TMEM272: variants seen among roughly 807,000 people sequenced by gnomAD.
The protein encoded by TMEM272 is long intergenic non-protein coding RNA 282.
Under a neutral mutation model 3.7 loss-of-function variants are expected in TMEM272, and 8 were observed. The ratio of observed to expected loss-of-function variants is 2.17; its 90% CI spans 1.27 to 3.91. The LOEUF is 3.91. Among genes scored for constraint, TMEM272 ranks in the 30% most tolerant of loss-of-function variants. The pLI is 0.00. For missense variants in TMEM272, 166 were observed against 91.5 expected, an observed-to-expected ratio of 1.81 and a Z score of -3.32; for synonymous variants, 63 against 39.8, an observed-to-expected ratio of 1.58 and a Z score of -2.20.
At chr13:51,828,335 C>G (rs1956144953) in intron 2 of TMEM272, among the ~76,000 whole-genome samples, 2 of 152,198 alleles carry the variant, frequency 1.3e-5, no homozygotes, top group African/African-American at 4.8e-5. Context: ...AGCTCTAAGG[C>G]TGCAAGTGCC....
the TMEM272 span, among the ~76,000 whole-genome samples, chr13:51,896,683 A>C: frequency 6.6e-6 from 1 of 152,146 alleles, no homozygotes; most frequent in East Asian, 1.9e-4. Flanking sequence ...GTCTTCTTAC[A>C]GTGTCTCCAG....
At chr13:51,889,639 G>A in the TMEM272 span, among the ~76,000 whole-genome samples, 1 of 151,864 alleles carries the variant, frequency 6.6e-6, no homozygotes, top group Non-Finnish European at 1.5e-5. Context: ...TGTGTGTGGG[G>A]GGGTTTTGTT....
the TMEM272 span, among the ~76,000 whole-genome samples, chr13:51,868,563 C>G: frequency 6.6e-6 from 1 of 152,236 alleles, no homozygotes; most frequent in Non-Finnish European, 1.5e-5. Context: ...ACTGTTAGCA[C>G]AAATGCAGAT....
chr13:51,877,133 GCT>G, the TMEM272 span, among the ~76,000 whole-genome samples: 1 of 152,198 alleles, frequency 6.6e-6, no homozygotes, highest in East Asian at 1.9e-4. Context: ...GATGCACACA[GCT>G]CTGTCCAACC....
At chr13:51,918,478 T>C in the TMEM272 span, among the ~76,000 whole-genome samples, 1 of 152,190 alleles carries the variant, frequency 6.6e-6, no homozygotes, top group Non-Finnish European at 1.5e-5. Flanking sequence ...AAAGGAGGAA[T>C]AGAAGAAGCA....
chr13:51,908,363 C>G, the TMEM272 span: 1 of 1,497,390 alleles, frequency 6.7e-7, no homozygotes, highest in Non-Finnish European at 9.3e-7. Context: ...GAAAACCCCT[C>G]GGTGGACAGA....
At chr13:51,920,092 T>C in the TMEM272 span, among the ~76,000 whole-genome samples, 3 of 152,272 alleles carry the variant, frequency 2.0e-5, no homozygotes, top group South Asian at 2.1e-4. Flanking sequence ...GGCATTTTAA[T>C]AGCAATGTAT....
the TMEM272 span, among the ~76,000 whole-genome samples, chr13:51,912,210 TTCCAG>T: frequency 1.3e-5 from 2 of 152,214 alleles, no homozygotes; most frequent in African/African-American, 4.8e-5. Context: ...TTCCCTGTTT[TTCCAG>T]TCCCGAGCAC....
chr13:51,867,116 G>A, the TMEM272 span, among the ~76,000 whole-genome samples: 2 of 152,082 alleles, frequency 1.3e-5, no homozygotes, highest in Non-Finnish European at 2.9e-5. Flanking sequence ...CTTTCCTTAG[G>A]CCTGGCCTTC....
chr13:51,916,796 ACT>A, the TMEM272 span, among the ~76,000 whole-genome samples: 2 of 151,956 alleles, frequency 1.3e-5, no homozygotes, highest in Non-Finnish European at 2.9e-5. Context: ...ATTTAAACAC[ACT>A]CTTTCCCCCT....
intron 3 of TMEM272, among the ~76,000 whole-genome samples, chr13:51,824,551 G>T (rs1333366907): frequency 6.6e-6 from 1 of 152,092 alleles, no homozygotes; most frequent in Non-Finnish European, 1.5e-5. Flanking sequence ...CCCTCTTTCC[G>T]CAGTGGATGT....
At chr13:51,904,278 A>C in the TMEM272 span, among the ~76,000 whole-genome samples, 1 of 152,328 alleles carries the variant, frequency 6.6e-6, no homozygotes, top group South Asian at 2.1e-4. Flanking sequence ...CTATTTTGAA[A>C]TTAAGAAATA....
the TMEM272 span, among the ~76,000 whole-genome samples, chr13:51,867,611 C>A: frequency 6.6e-6 from 1 of 151,906 alleles, no homozygotes; most frequent in Non-Finnish European, 1.5e-5. Context: ...GTGGGAAAGC[C>A]TGGGTTACTG....
At chr13:51,817,173 G>A (rs1337644332) in intron 4 of TMEM272, 60 bp from the exon 5 acceptor site, 1 of 659,424 alleles carries the variant, frequency 1.5e-6, no homozygotes, top group Non-Finnish European at 2.8e-6. Flanking sequence ...CGGGAAGAGA[G>A]GGGATAGAAG....
the TMEM272 span, among the ~76,000 whole-genome samples, chr13:51,929,465 T>A: frequency 6.6e-6 from 1 of 152,142 alleles, no homozygotes; most frequent in African/African-American, 2.4e-5. Flanking sequence ...GCATAAAAAA[T>A]GATTAAATTG....
At chr13:51,892,504 C>T in the TMEM272 span, among the ~76,000 whole-genome samples, 1 of 152,178 alleles carries the variant, frequency 6.6e-6, no homozygotes, top group Non-Finnish European at 1.5e-5. Context: ...TGCCCACTTG[C>T]TTCCTGTTAG....
At chr13:51,920,531 G>C in the TMEM272 span, among the ~76,000 whole-genome samples, 15,429 of 152,160 alleles carry the variant, frequency 0.1, 1,096 homozygotes, top group African/African-American at 0.2. Context: ...CTCTGCTGGT[G>C]TCTTTGAGAT....
chr13:51,831,028 G>C (rs1042436167), intron 2 of TMEM272, among the ~76,000 whole-genome samples: 2 of 152,144 alleles, frequency 1.3e-5, no homozygotes, highest in Non-Finnish European at 2.9e-5. Flanking sequence ...GCTCACTCTT[G>C]CTCGCTGCAC....
At chr13:51,907,673 C>G in the TMEM272 span, among the ~76,000 whole-genome samples, 2 of 152,238 alleles carry the variant, frequency 1.3e-5, no homozygotes, top group South Asian at 4.1e-4. Flanking sequence ...TCTCGCTGAC[C>G]ATACTGCCTC....
Sources: gnomAD v4.1 joint callset for allele counts (sites outside exome capture counted in the v4.1 genomes callset) on GRCh38, gnomAD v4.1.1 for gene constraint, MANE v1.5 for transcripts, NCBI Gene and HGNC (gene_info 2026-07-23, HGNC 2026-07-21) for gene names.